MAP4K4: variants seen among roughly 807,000 people sequenced by gnomAD.
The protein encoded by MAP4K4 is HPK/GCK-like kinase HGK.
In MAP4K4, 38 loss-of-function variants were observed where a neutral mutation model predicts 189.6. That is an observed-to-expected ratio of 0.20 (90% confidence interval 0.15 to 0.26). The LOEUF (loss-of-function observed/expected upper bound fraction) is 0.26. Ranked by LOEUF, MAP4K4 falls within the 10% of genes least tolerant of loss-of-function variation. The pLI is 1.00. For synonymous variants in MAP4K4, 610 were observed against 624.3 expected (o/e 0.98, Z 0.34); for missense variants, 1,054 against 1,726.9 (o/e 0.61, Z 6.91).
At chr2:101,724,192 C>G (rs1042753754) in intron 2 of MAP4K4, among the ~76,000 whole-genome samples, 1 of 152,116 alleles carries the variant, frequency 6.6e-6, no homozygotes, top group African/African-American at 2.4e-5. Context: ...TCCAGCCAAC[C>G]AATCAGTGTG....
At chr2:101,717,719 AAATG>A (rs1454619693) in intron 2 of MAP4K4, among the ~76,000 whole-genome samples, 7 of 152,202 alleles carry the variant, frequency 4.6e-5, no homozygotes, top group African/African-American at 9.7e-5. Context: ...GTGAGTTTAG[AAATG>A]AATCAGGATG....
In MAP4K4 at chr2:101,871,440, A is replaced by G. The variant is rs2098018832; in HGVS notation, c.2761-54A>G. The G allele has an allele frequency of 4.3e-6, 6 of 1,411,360 alleles. No homozygotes were observed. In the South Asian group the frequency reaches 5.4e-5, roughly 13 times the overall value. 87.4% of individuals were successfully genotyped at this position (1,411,360 alleles called of 1,614,324 possible). A position where few individuals can be genotyped will look rare whatever the true frequency, so the allele number is the denominator to read the frequency against. ...CCTTAAAGCAGTTATCAATAGGGCCATAGGCAATTTTAGCAGCGCTTGAGC... is the reference window on the plus strand; with the variant it reads ...CCTTAAAGCAGTTATCAATAGGGCCGTAGGCAATTTTAGCAGCGCTTGAGC... On this transcript the variant is annotated intron_variant, in intron 23 of 32. Transcript: ENST00000324219.
intron 23 of MAP4K4, 156 bp downstream of exon 23, chr2:101,870,571 C>T (rs2150032184): frequency 2.1e-6 from 2 of 941,676 alleles, no homozygotes; most frequent in East Asian, 5.4e-5. Context: ...GCTAGGGAGG[C>T]AGGTGTGTAC....
chr2:101,699,343 T>C (rs1192577820), intron 2 of MAP4K4, among the ~76,000 whole-genome samples: 1 of 152,242 alleles, frequency 6.6e-6, no homozygotes, highest in African/African-American at 2.4e-5. Flanking sequence ...ACACCTGATG[T>C]GACTAACAGT....
intron 6 of MAP4K4, among the ~76,000 whole-genome samples, chr2:101,830,329 G>A (rs1042599563): frequency 2.6e-5 from 4 of 152,242 alleles, no homozygotes; most frequent in Admixed American, 2.6e-4. Context: ...TGCGTGGTTA[G>A]ATAATTACAG....
At chr2:101,794,963 T>C (rs929920982) in intron 3 of MAP4K4, among the ~76,000 whole-genome samples, 1 of 152,204 alleles carries the variant, frequency 6.6e-6, no homozygotes, top group East Asian at 1.9e-4. Flanking sequence ...ACTGGAAATA[T>C]GTTGAGAGGT....
At chr2:101,799,767 A>T (rs1353044796) in intron 3 of MAP4K4, among the ~76,000 whole-genome samples, 2 of 151,944 alleles carry the variant, frequency 1.3e-5, no homozygotes, top group Non-Finnish European at 2.9e-5. Context: ...ATGCCCAGCT[A>T]ATTTTTAAAA....
intron 2 of MAP4K4, among the ~76,000 whole-genome samples, chr2:101,789,024 A>C (rs990995218): frequency 6.6e-6 from 1 of 152,144 alleles, no homozygotes; most frequent in Non-Finnish European, 1.5e-5. Context: ...CACATTCCCA[A>C]TGCAGCATAC....
chr2:101,724,155 G>A (rs987722712), intron 2 of MAP4K4, among the ~76,000 whole-genome samples: 25 of 152,114 alleles, frequency 1.6e-4, no homozygotes, highest in African/African-American at 5.8e-4. Context: ...ATTTAAAAAC[G>A]GTGGTGCTTG....
intron 31 of MAP4K4, among the ~76,000 whole-genome samples, chr2:101,888,439 ATTAGGTCACTGTCTCTG>A: frequency 6.6e-6 from 1 of 152,160 alleles, no homozygotes; most frequent in Non-Finnish European, 1.5e-5. Flanking sequence ...TTTTATTGTA[ATTAGGTCACTGTCTCTG>A]ATCACTCATG....
rs1047999067 is a variant in MAP4K4, at chr2:101,882,902, A to G, written c.3520+217A>G. 2.0e-5 allele frequency among the ~76,000 whole-genome samples: 3 copies of G among 152,212 alleles called. No individual in the cohort carries two copies. The East Asian group carries it at 5.8e-4, about 29-fold the overall frequency. Reference sequence around the variant, plus strand: ...ACTCCCTCTGTGCACCTATATGCATAACAGAGTTCGTCCCTGCAACTCACT... The same window carrying G: ...ACTCCCTCTGTGCACCTATATGCATGACAGAGTTCGTCCCTGCAACTCACT... On this transcript the variant is annotated intron_variant, in intron 28 of 32. Transcript: ENST00000324219.
intron 32 of MAP4K4, among the ~76,000 whole-genome samples, chr2:101,890,575 C>T (rs1295759581): frequency 6.6e-6 from 1 of 152,066 alleles, no homozygotes; most frequent in East Asian, 1.9e-4. Context: ...TCTTCCTCAG[C>T]CTCCTGAGTA....
chr2:101,847,220 C>A (rs187883961), intron 12 of MAP4K4, among the ~76,000 whole-genome samples: 5 of 152,248 alleles, frequency 3.3e-5, no homozygotes, highest in Admixed American at 3.3e-4. Flanking sequence ...TATTGCCCTG[C>A]TGGTTGTATA....
intron 2 of MAP4K4, among the ~76,000 whole-genome samples, chr2:101,781,955 C>A (rs1163710544): frequency 1.3e-5 from 2 of 152,188 alleles, no homozygotes; most frequent in East Asian, 3.9e-4. Context: ...AACAAGCATG[C>A]AGAGCCCAGA....
chr2:101,705,118 G>T (rs2041589174), intron 2 of MAP4K4, among the ~76,000 whole-genome samples: 1 of 152,132 alleles, frequency 6.6e-6, no homozygotes, highest in African/African-American at 2.4e-5. Flanking sequence ...TTAAAAACTG[G>T]ACTCTTACAA....
At chr2:101,812,392 G>A (rs1458488059) in intron 3 of MAP4K4, among the ~76,000 whole-genome samples, 8 of 152,144 alleles carry the variant, frequency 5.3e-5, no homozygotes, top group Admixed American at 4.6e-4. Context: ...GCAGTGTCTC[G>A]AGGCCTTCTT....
intron 2 of MAP4K4, among the ~76,000 whole-genome samples, chr2:101,762,048 C>T (rs1002429456): frequency 6.6e-6 from 1 of 152,094 alleles, no homozygotes; most frequent in African/African-American, 2.4e-5. Flanking sequence ...CAGTCCATTT[C>T]CCTGTCTGAA....
At chr2:101,807,440 T>A (rs1455972532) in intron 3 of MAP4K4, among the ~76,000 whole-genome samples, 1 of 152,056 alleles carries the variant, frequency 6.6e-6, no homozygotes, top group African/African-American at 2.4e-5. Context: ...TCACAGAAGG[T>A]GCTTTATAAT....
Position 101,867,143 on chromosome 2 carries a change from G to C in MAP4K4, c.2357-69G>C, listed in dbSNP as rs2097842552. ...AGACAGGAGTGGGCGGGGTGGGCAGGGCAGCTTCATAATACACATCCATAT... is the reference window on the plus strand; with the variant it reads ...AGACAGGAGTGGGCGGGGTGGGCAGCGCAGCTTCATAATACACATCCATAT... On this transcript the variant is annotated intron_variant, in intron 19 of 32. Transcript: ENST00000324219. 4.0e-6 allele frequency: 4 copies of C among 1,008,160 alleles called. No individual in the cohort carries two copies. In the Admixed American group the frequency reaches 8.3e-5, roughly 21 times the overall value. The allele number at this position is 1,008,160 out of a possible 1,614,324, so 62.5% of individuals were successfully genotyped here.
Sources: gnomAD v4.1 joint callset for allele counts (sites outside exome capture counted in the v4.1 genomes callset) on GRCh38, gnomAD v4.1.1 for gene constraint, MANE v1.5 for transcripts, NCBI Gene and HGNC (gene_info 2026-07-23, HGNC 2026-07-21) for gene names.